The following UNC45A variants were observed in gnomAD, a reference collection of about 807,000 sequenced individuals.
The protein encoded by UNC45A is unc-45 myosin chaperone A, also known as protein unc-45 homolog A.
UNC45A carries 78 observed loss-of-function variants against 103.2 expected under a neutral mutation model. That is an observed-to-expected ratio of 0.76 (90% CI 0.63 to 0.91). UNC45A has a LOEUF of 0.91. Among genes scored for constraint, UNC45A ranks in the 40% least tolerant of loss-of-function variants. The pLI is 0.00. For missense variants in UNC45A, 1,193 were observed against 1,224.8 expected (o/e 0.97, Z 0.39); for synonymous variants, 495 against 504.6 (o/e 0.98, Z 0.25).
At position 90,950,508 on chromosome 15, in the gene UNC45A, G is replaced by C; in HGVS notation, c.2196G>C (p.Glu732Asp). The change falls in exon 17 of 20, where the codon GAG becomes GAC. Residue 732 changes from glutamate to aspartate, a missense_variant. Glu to Asp is a conservative substitution (Grantham distance 45). Coordinates refer to ENST00000418476, the MANE Select transcript of UNC45A (RefSeq NM_018671.5). ...EMTFPGERIY[E>D]VVRPLVSLLH... ...TGGGGTGCACATTGCAGATCTATGA[G>C]GTGGTCCGGCCCCTCGTCTCCCTGT... 6.2e-7 allele frequency: 1 copy of C among 1,614,000 alleles called. No individual in the cohort carries two copies. The highest frequency in any genetic ancestry group is 8.5e-7 in the Non-Finnish European group (1 of 1,179,992).
upstream of UNC45A, chr15:90,934,295 AG>A: frequency 2.5e-6 from 1 of 398,978 alleles, no homozygotes; most frequent in Non-Finnish European, 4.4e-6. Flanking sequence ...AGCTGTGGAA[AG>A]GCCCCTCCTG....
Position 90,942,590 on chromosome 15 carries a change from G to C in UNC45A, c.841G>C (p.Gly281Arg), listed in dbSNP as rs2036350101. The change falls in exon 7 of 20, where the codon GGT (glycine) becomes CGT (arginine). Residue 281 changes from glycine to arginine, a missense_variant. Physicochemically the swap from Gly to Arg is moderately radical, Grantham distance 125 (BLOSUM62 -2). Transcript: ENST00000418476. ...GVKKGFRGKE[G>R]AIIVDPAREL... The stretch of plus-strand genomic sequence containing the variant: ...CAAAAAAGGCTTCCGAGGCAAAGAA[G>C]GTGCCATCATTGTGGGTGAGTGGAA... 6.2e-7 allele frequency: 1 copy of C among 1,614,190 alleles called. No individual in the cohort carries two copies. The highest frequency in any genetic ancestry group is 8.5e-7 in the Non-Finnish European group (1 of 1,180,030).
At chr15:90,948,025 T>C (rs1249994467) in intron 11 of UNC45A, 117 bp from the exon 12 acceptor site, 3 of 1,536,162 alleles carry the variant, frequency 2.0e-6, no homozygotes, top group Non-Finnish European at 1.8e-6. Flanking sequence ...TCCTGGTACG[T>C]GAACTGCTTC....
At chr15:90,931,842 C>T, upstream of UNC45A, 1 of 1,614,164 alleles carries the variant, frequency 6.2e-7, no homozygotes, top group Non-Finnish European at 8.5e-7. Context: ...GTCTTGTCAT[C>T]TGTTACCTCC....
intron 8 of UNC45A, 22 bp from the exon 9 acceptor site, chr15:90,944,870 T>G: frequency 6.2e-7 from 1 of 1,609,670 alleles, no homozygotes; most frequent in Non-Finnish European, 8.5e-7. Context: ...TGTTCTACTG[T>G]CTAAGCGGGG....
At chr15:90,950,358 G>C in intron 16 of UNC45A, 91 bp downstream of exon 16, 1 of 1,493,772 alleles carries the variant, frequency 6.7e-7, no homozygotes, top group Non-Finnish European at 9.1e-7. Context: ...CCAGCAGGAA[G>C]TTTCAGCTTT....
At chr15:90,945,850 C>G (rs1421565200) in intron 9 of UNC45A, among the ~76,000 whole-genome samples, 3 of 147,620 alleles carry the variant, frequency 2.0e-5, no homozygotes, top group Admixed American at 6.8e-5. Context: ...CCAGGCTGGT[C>G]TCGAACTCCT....
chr15:90,949,834 G>A, intron 15 of UNC45A, 114 bp downstream of exon 15: 1 of 1,148,384 alleles, frequency 8.7e-7, no homozygotes, highest in African/African-American at 1.5e-5. Flanking sequence ...AAACATTAAT[G>A]GCCAGAGGAA....
intron 16 of UNC45A, 43 bp downstream of exon 16, chr15:90,950,310 T>C: frequency 6.5e-7 from 1 of 1,543,348 alleles, no homozygotes; most frequent in South Asian, 1.2e-5. Context: ...CCTCTGTCCC[T>C]GATGGCCTGT....
At chr15:90,936,506 G>C (rs1423821224) in intron 4 of UNC45A, 46 bp downstream of exon 4, 1 of 1,602,038 alleles carries the variant, frequency 6.2e-7, no homozygotes, top group East Asian at 2.2e-5. Context: ...TGGTGGTGAA[G>C]GGGTCTGGGC....
intron 12 of UNC45A, 101 bp from the exon 13 acceptor site, chr15:90,948,553 T>A: frequency 6.5e-7 from 1 of 1,532,402 alleles, no homozygotes; most frequent in South Asian, 1.3e-5. Flanking sequence ...TACCCAAGGG[T>A]CCCAGCTGAG....
intron 16 of UNC45A, 22 bp from the exon 17 acceptor site, chr15:90,950,478 A>T: frequency 6.2e-7 from 1 of 1,610,202 alleles, no homozygotes; most frequent in Non-Finnish European, 8.5e-7. Flanking sequence ...AGTACCCCTG[A>T]CAGGTGGGGT....
At chr15:90,931,252 C>T, upstream of UNC45A, 1 of 1,550,656 alleles carries the variant, frequency 6.4e-7, no homozygotes, top group Non-Finnish European at 8.7e-7. Context: ...GGAGTTGTGC[C>T]TCTGGATAGC....
At chr15:90,939,580 C>G (rs901223670) in intron 4 of UNC45A, 151 bp from the exon 5 acceptor site, 5 of 693,554 alleles carry the variant, frequency 7.2e-6, no homozygotes, top group Non-Finnish European at 1.2e-5. Context: ...CCAGGCAAGT[C>G]TCTTCCTGCC....
intron 13 of UNC45A, 31 bp downstream of exon 13, chr15:90,948,825 C>T (rs1280447596): frequency 6.4e-7 from 1 of 1,560,760 alleles, no homozygotes; most frequent in Non-Finnish European, 8.7e-7. Flanking sequence ...CTAGAGGGTT[C>T]CCCACCATGG....
At chr15:90,931,992 C>T (rs375560756), upstream of UNC45A, 3 of 1,613,892 alleles carry the variant, frequency 1.9e-6, no homozygotes, top group Non-Finnish European at 2.5e-6. Context: ...CAAGGGTTGC[C>T]CATTGCTGAA....
chr15:90,949,353 T>A lies in UNC45A; in HGVS notation c.1916T>A (p.Leu639Gln). ...PSFVRARVKKLLAAGVVSAMV... is the reference protein window; with the variant it reads ...PSFVRARVKKQLAAGVVSAMV... Reference sequence around the variant, plus strand: ...TTCGTGCGGGCTCGGGTGAAGAAGCTGCTGGCAGCGGGTGTGGTGTCGGCC... The same window carrying A: ...TTCGTGCGGGCTCGGGTGAAGAAGCAGCTGGCAGCGGGTGTGGTGTCGGCC... Residue 639 changes from leucine (L) to glutamine (Q), a missense_variant, in exon 14 of 20, where the codon CTG becomes CAG. Transcript: ENST00000418476. 1.2e-6 allele frequency: 2 copies of A among 1,613,582 alleles called. No individual in the cohort carries two copies. Among genetic ancestry groups the A allele is most frequent in the Non-Finnish European group, 1.7e-6 (2 of 1,180,022 alleles).
At chr15:90,938,167 G>A (rs1249551732) in intron 4 of UNC45A, among the ~76,000 whole-genome samples, 2 of 152,050 alleles carry the variant, frequency 1.3e-5, no homozygotes, top group African/African-American at 4.8e-5. Flanking sequence ...ATGATAACAC[G>A]GTGACCCCTG....
intron 5 of UNC45A, 57 bp downstream of exon 5, chr15:90,939,880 G>GCACCCTTCACCCAT: frequency 3.9e-6 from 6 of 1,536,996 alleles, no homozygotes; most frequent in East Asian, 2.3e-5. Context: ...CCCATCCATA[G>GCACCCTTCACCCAT]GCCCCCGAAG....
Sources: gnomAD v4.1 joint callset for allele counts (sites outside exome capture counted in the v4.1 genomes callset) on GRCh38, gnomAD v4.1.1 for gene constraint, MANE v1.5 for transcripts, NCBI Gene and HGNC (gene_info 2026-07-23, HGNC 2026-07-21) for gene names.